AVEN: variants seen among roughly 807,000 people sequenced by gnomAD.
The protein encoded by AVEN is cell death regulator Aven.
AVEN carries 41 observed loss-of-function variants against 38.1 expected under a neutral mutation model. The ratio of observed to expected loss-of-function variants is 1.08; its 90% confidence interval spans 0.84 to 1.40. The LOEUF (loss-of-function observed/expected upper bound fraction) is 1.40. Ranked by LOEUF, AVEN falls within the 40% of genes most tolerant of loss-of-function variation. The pLI is 0.00. For missense variants in AVEN, 605 were observed against 438.8 expected (o/e 1.38, Z -3.38); for synonymous variants, 206 against 171.8 (o/e 1.20, Z -1.56).
In AVEN at chr15:33,872,551, T is replaced by TG. The variant is rs1555502988; in HGVS notation, c.517-1522dup. 3.3e-5 allele frequency among the ~76,000 whole-genome samples: 5 copies of TG among 151,582 alleles called. No individual in the cohort carries two copies. The South Asian group carries it at 6.3e-4, about 19-fold the overall frequency. ...ACAGAACTGAACTCTCTGGGTGGCG[T>TG]GGGGGGAGCCGGGAATCTGTGCCTT... is the stretch of plus-strand genomic sequence containing the variant. On this transcript the variant is annotated intron_variant, in intron 3 of 5. Transcript: ENST00000306730.
chr15:34,012,389 C>A (rs971290289), intron 1 of AVEN, among the ~76,000 whole-genome samples: 1 of 152,124 alleles, frequency 6.6e-6, no homozygotes, highest in Non-Finnish European at 1.5e-5. Flanking sequence ...TATATAAATA[C>A]CCTGAGCATT....
downstream of AVEN, chr15:33,858,133 TAAGCCCCGTGGAAAG>T: frequency 1.7e-6 from 1 of 599,930 alleles, no homozygotes; most frequent in Non-Finnish European, 2.9e-6. Flanking sequence ...ACCACACATC[TAAGCCCCGTGGAAAG>T]GGAAGCACCC....
chr15:34,007,051 A>G, intron 1 of AVEN: 1 of 984,244 alleles, frequency 1.0e-6, no homozygotes, highest in Non-Finnish European at 1.2e-6. Flanking sequence ...TCATACCTGG[A>G]CATCGGTCAC....
At chr15:33,973,576 C>T (rs1233298147) in intron 2 of AVEN, among the ~76,000 whole-genome samples, 1 of 152,008 alleles carries the variant, frequency 6.6e-6, no homozygotes, top group Non-Finnish European at 1.5e-5. Flanking sequence ...TATGGCCAAG[C>T]GCAACCTGTA....
chr15:33,865,053 C>T (rs182662722), downstream of AVEN: 2,998 of 1,093,876 alleles, frequency 2.7e-3, 20 homozygotes, highest in African/African-American at 0.023. Context: ...TAAAGGGAGC[C>T]ACAAAGAACA....
rs777588160 is a variant in AVEN at position 33,867,538 on chromosome 15, G to C, written c.930C>G (p.Asp310Glu). Reference protein sequence around the residue: ...DNILPDQTSQDLKSKEDGEVV... With the variant: ...DNILPDQTSQELKSKEDGEVV... ...CCTCCCCATCTTCCTTGGATTTCAG[G>C]TCCTGAGACGTCTGATCTGGTAAGA... is the stretch of plus-strand genomic sequence containing the variant. Residue 310 changes from aspartate (D) to glutamate (E), a missense_variant, in exon 5 of 6, where the codon GAC becomes GAG. Asp to Glu is a conservative substitution (Grantham distance 45). Coordinates refer to ENST00000306730, the MANE Select transcript of AVEN (RefSeq NM_020371.3). 1.2e-6 allele frequency: 2 copies of C among 1,606,240 alleles called. No individual in the cohort carries two copies. Among genetic ancestry groups the C allele is most frequent in the African/African-American group, 1.3e-5 (1 of 74,582 alleles).
intron 2 of AVEN, among the ~76,000 whole-genome samples, chr15:33,886,618 T>G (rs1437369507): frequency 6.6e-6 from 1 of 152,186 alleles, no homozygotes; most frequent in Admixed American, 6.5e-5. Flanking sequence ...CTCTCATTCT[T>G]CTCTCTCCTG....
intron 2 of AVEN, among the ~76,000 whole-genome samples, chr15:33,931,373 T>C (rs1172812450): frequency 7.2e-5 from 5 of 69,662 alleles, no homozygotes; most frequent in East Asian, 4.0e-4. Context: ...TTTTTTTTTT[T>C]TTTTTTTTTT....
intron 2 of AVEN, among the ~76,000 whole-genome samples, chr15:33,942,271 C>T (rs889771786): frequency 7.9e-5 from 12 of 152,204 alleles, no homozygotes; most frequent in South Asian, 2.1e-4. Flanking sequence ...AATGCCCACT[C>T]CTCTTGCTGT....
chr15:33,952,658 C>A (rs1894796084), intron 2 of AVEN, among the ~76,000 whole-genome samples: 1 of 152,072 alleles, frequency 6.6e-6, no homozygotes, highest in South Asian at 2.1e-4. Context: ...AACTACACAA[C>A]TTTACCTAAT....
At chr15:33,905,812 C>G (rs974954593) in intron 2 of AVEN, among the ~76,000 whole-genome samples, 2 of 125,118 alleles carry the variant, frequency 1.6e-5, no homozygotes, top group Non-Finnish European at 3.3e-5. Context: ...AAATTGAGAC[C>G]TTGTTTCGGG....
At chr15:33,878,386 C>T (rs951295334) in intron 2 of AVEN, among the ~76,000 whole-genome samples, 10 of 152,112 alleles carry the variant, frequency 6.6e-5, no homozygotes, top group East Asian at 5.8e-4. Flanking sequence ...ATCGTAAGAG[C>T]GGCAGATGAT....
chr15:33,920,304 T>G lies in AVEN; in HGVS notation c.446-44309A>C, dbSNP rs1423273108. ...ACCAATCTCCAGGACTTTTTCACCT[T>G]GCAAAGCTGAAACTACACTCATTAA... On this transcript the variant is annotated intron_variant, in intron 2 of 5. Transcript: ENST00000306730. Among the ~76,000 whole-genome samples, 3 of 152,212 alleles carry G rather than the reference T, an allele frequency of 2.0e-5. No homozygotes were observed. In the East Asian group the frequency reaches 5.8e-4, roughly 29 times the overall value.
At chr15:34,065,696 C>T (rs2140851367) in intron 4 of AVEN, 1 of 152,262 alleles carries the variant, frequency 6.6e-6, no homozygotes, top group African/African-American at 2.4e-5. Context: ...TTAAAAACCA[C>T]ACTTAATTGA....
At chr15:33,871,711 G>C (rs934704113) in intron 3 of AVEN, among the ~76,000 whole-genome samples, 1 of 149,676 alleles carries the variant, frequency 6.7e-6, no homozygotes, top group Non-Finnish European at 1.5e-5. Context: ...AGAGGAAAGG[G>C]CTATTTAGGC....
chr15:33,903,102 T>C (rs1282138558), intron 2 of AVEN, among the ~76,000 whole-genome samples: 2 of 152,238 alleles, frequency 1.3e-5, no homozygotes, highest in African/African-American at 4.8e-5. Flanking sequence ...CCAGCATCTC[T>C]TGCTCTAGAC....
At chr15:34,039,460 AATAC>A (rs1295905702), upstream of AVEN, among the ~76,000 whole-genome samples, 2 of 151,146 alleles carry the variant, frequency 1.3e-5, no homozygotes, top group Non-Finnish European at 2.9e-5. Context: ...GGTCTAAACA[AATAC>A]ATACTAAAAT....
At chr15:34,062,554 CAA>C (rs10632153) in intron 5 of AVEN, 2,022 of 407,122 alleles carry the variant, frequency 5.0e-3, no homozygotes, top group South Asian at 0.011. Context: ...GATTCTGTCT[CAA>C]AAAAAAAAAA....
intron 2 of AVEN, among the ~76,000 whole-genome samples, chr15:33,894,576 G>A (rs1344419502): frequency 4.8e-5 from 7 of 146,146 alleles, no homozygotes; most frequent in Non-Finnish European, 9.0e-5. Flanking sequence ...TTGGGAGGCC[G>A]AGGCAGGGGG....
Sources: gnomAD v4.1 joint callset for allele counts (sites outside exome capture counted in the v4.1 genomes callset) on GRCh38, gnomAD v4.1.1 for gene constraint, MANE v1.5 for transcripts, NCBI Gene and HGNC (gene_info 2026-07-23, HGNC 2026-07-21) for gene names.